Variants in LACC1 observed in about 807,000 individuals in gnomAD.
LACC1 encodes the protein purine nucleoside phosphorylase LACC1.
LACC1 carries 25 observed loss-of-function variants against 34.8 expected under a neutral mutation model. The observed-to-expected ratio is 0.72, with a 90% confidence interval of 0.52 to 1.00. The LOEUF (loss-of-function observed/expected upper bound fraction) is 1.00, where lower values mean the gene tolerates loss of function less well. LACC1 is among the 50% of genes least tolerant of loss of function. LACC1 has a pLI of 0.00. For missense variants in LACC1, 426 were observed against 511.2 expected, an observed-to-expected ratio of 0.83 and a Z score of 1.61; for synonymous variants, 162 against 168.0, an observed-to-expected ratio of 0.96 and a Z score of 0.28.
At chr13:43,888,717 G>A (rs1955441482) in intron 4 of LACC1, 40 bp from the exon 5 acceptor site, 1 of 1,523,262 alleles carries the variant, frequency 6.6e-7, no homozygotes, top group East Asian at 2.3e-5. Context: ...AATTTTTTAT[G>A]TTTTGACTTC....
At chr13:43,881,601 C>A in intron 2 of LACC1, 54 bp downstream of exon 2, 1 of 1,318,706 alleles carries the variant, frequency 7.6e-7, no homozygotes, top group Non-Finnish European at 1.0e-6. Context: ...ACTAGTCTTT[C>A]TTCAGAGGTA....
chr13:43,881,322 A>C lies in LACC1; in HGVS notation c.337A>C (p.Thr113Pro). Reference protein sequence around the residue: ...IKVIVPRHRKTLMKAFIDQLF... With the variant: ...IKVIVPRHRKPLMKAFIDQLF... ...GGTAATTGTACCCAGGCACAGGAAG[A>C]CATTAATGAAAGCTTTTATTGATCA... is the stretch of plus-strand genomic sequence containing the variant. Residue 113 changes from threonine to proline, a missense_variant, in exon 2 of 7, where the codon ACA becomes CCA. Physicochemically the swap from Thr to Pro is conservative, Grantham distance 38. Transcript: ENST00000325686. 6.2e-7 allele frequency: 1 copy of C among 1,613,916 alleles called. No individual in the cohort carries two copies. Among genetic ancestry groups the C allele is most frequent in the Non-Finnish European group, 8.5e-7 (1 of 1,179,886 alleles).
Position 43,890,013 on chromosome 13 carries a change from T to C in LACC1, c.1134-101T>C, listed in dbSNP as rs547150619. ...ATATACATTGTTCTAGGTACATCTT[T>C]CCTGGAACTTTTTCATGCCAACATC... On this transcript the variant is annotated intron_variant, in intron 5 of 6. Coordinates refer to ENST00000325686, the MANE Select transcript of LACC1 (RefSeq NM_153218.4). 250 of 974,076 alleles carry C rather than the reference T, an allele frequency of 2.6e-4. 1 individual carries two copies. Among genetic ancestry groups the C allele is most frequent in the Non-Finnish European group, 2.0e-4 (133 of 658,996 alleles). 60.3% of individuals were successfully genotyped at this position (974,076 alleles called of 1,614,324 possible).
Position 43,882,564 on chromosome 13 carries a change from G to GATATATGTATATAT in LACC1, c.741+207_741+208insGTATATATATATAT, listed in dbSNP as rs1555395027. ...TTATACACACACACACACACGTGCA[G>GATATATGTATATAT]ATATATATATATATATATATATGCA... On this transcript the variant is annotated intron_variant, in intron 3 of 6. Transcript: ENST00000325686. Among the ~76,000 whole-genome samples, 3 of 139,142 alleles carry GATATATGTATATAT rather than the reference G, an allele frequency of 2.2e-5. No individual in the cohort carries two copies. The East Asian group carries it at 6.6e-4, about 30-fold the overall frequency. 91.3% of individuals were successfully genotyped at this position (139,142 alleles called of 152,430 possible).
rs1594879042 is a variant in LACC1 at position 43,879,941 on chromosome 13, A to G, written c.-213A>G. 6.6e-6 allele frequency: 1 copy of G among 152,524 alleles called. No homozygotes were observed. The highest frequency in any genetic ancestry group is 1.5e-5 in the Non-Finnish European group (1 of 68,322). The allele number at this position is 152,524 out of a possible 1,614,324, so 9.4% of individuals were successfully genotyped here. A position where few individuals can be genotyped will look rare whatever the true frequency, so the allele number is the denominator to read the frequency against. ...GCTCAGGACGAGGGACGGGGCGGCA[A>G]ATTGTCACAGAGGTCGCCGTAGACC... On this transcript the variant is annotated 5_prime_UTR_variant, in exon 1 of 7. Transcript: ENST00000325686.
intron 1 of LACC1, among the ~76,000 whole-genome samples, chr13:43,880,591 A>T (rs910791514): frequency 6.6e-6 from 1 of 152,218 alleles, no homozygotes; most frequent in African/African-American, 2.4e-5. Flanking sequence ...TATGACAATC[A>T]TGTCAGGACT....
At chr13:43,886,144 C>CA (rs1253282148) in intron 4 of LACC1, among the ~76,000 whole-genome samples, 6 of 152,184 alleles carry the variant, frequency 3.9e-5, no homozygotes, top group Non-Finnish European at 8.8e-5. Flanking sequence ...GAAATGCTTA[C>CA]ACACTGCTAG....
chr13:43,885,731 A>C (rs1345900247), intron 4 of LACC1, among the ~76,000 whole-genome samples: 1 of 152,184 alleles, frequency 6.6e-6, no homozygotes, highest in African/African-American at 2.4e-5. Context: ...AGACTTCAAG[A>C]GCAAACAAAA....
At chr13:43,888,525 G>A (rs1955434719) in intron 4 of LACC1, among the ~76,000 whole-genome samples, 1 of 152,070 alleles carries the variant, frequency 6.6e-6, no homozygotes, top group African/African-American at 2.4e-5. Flanking sequence ...GAAACTAAAA[G>A]TATAGAGCAT....
In LACC1 at chr13:43,892,877, A is replaced by T. The variant is rs1053817150; in HGVS notation, c.*1430A>T. 17 of 152,240 alleles carry T rather than the reference A, an allele frequency of 1.1e-4. No individual in the cohort carries two copies. Among genetic ancestry groups the T allele is most frequent in the African/African-American group, 3.6e-4 (15 of 41,458 alleles). 9.4% of individuals were successfully genotyped at this position (152,240 alleles called of 1,614,324 possible). ...TTTAAAAGAAATCAATGGATTAAAC[A>T]TATTGAAACTGTTCTATAGGCAGTG... is the stretch of plus-strand genomic sequence containing the variant. On this transcript the variant is annotated 3_prime_UTR_variant, in exon 7 of 7. Transcript: ENST00000325686.
intron 4 of LACC1, among the ~76,000 whole-genome samples, chr13:43,887,545 G>A (rs1955385465): frequency 6.6e-6 from 1 of 152,134 alleles, no homozygotes; most frequent in Admixed American, 6.6e-5. Context: ...GACAAAGATG[G>A]CAAGGGAACG....
In LACC1 at chr13:43,881,146, G is replaced by C; in HGVS notation, c.161G>C (p.Arg54Thr). Residue 54 changes from arginine (R) to threonine (T), a missense_variant, in exon 2 of 7, where the codon AGG becomes ACG. Physicochemically the swap from Arg to Thr is moderately conservative, Grantham distance 71. This residue lies in a region of LACC1 where 217 missense variants were observed against 210.9 expected (regional missense o/e 1.03). Coordinates refer to ENST00000325686, the MANE Select transcript of LACC1 (RefSeq NM_153218.4). ...TGTTGCAGTAACATCAGCTATGAAA[G>C]GGATGGAGAACAAGATAATTGTGAA... ...IMCCSNISYE[R>T]DGEQDNCEIE... 6.2e-7 allele frequency: 1 copy of C among 1,614,146 alleles called. No homozygotes were observed. Among genetic ancestry groups the C allele is most frequent in the Non-Finnish European group, 8.5e-7 (1 of 1,180,024 alleles).
At chr13:43,888,296 A>G (rs1176605885) in intron 4 of LACC1, among the ~76,000 whole-genome samples, 2 of 152,298 alleles carry the variant, frequency 1.3e-5, no homozygotes, top group East Asian at 3.9e-4. Context: ...GGCTGGTAAA[A>G]GGAAGAAACA....
chr13:43,881,545 C>T lies in LACC1; in HGVS notation c.560C>T (p.Pro187Leu). 6.3e-7 allele frequency: 1 copy of T among 1,587,700 alleles called. No homozygotes were observed. Among genetic ancestry groups the T allele is most frequent in the Non-Finnish European group, 8.6e-7 (1 of 1,168,468 alleles). The part of the protein sequence containing the change: ...KLTIITSSLI[P>L]DIFIHGFTTR... ...ACTATTATCACTTCTTCTTTGATCC[C>T]AGGTATATTAACCACTAACTGTTGT... Residue 187 changes from proline to leucine, a missense_variant and splice_region_variant, in exon 2 of 7, where the codon CCA (proline) becomes CTA (leucine). By Grantham distance (98) the Pro-to-Leu change is moderately conservative. Transcript: ENST00000325686.
chr13:43,887,248 G>T (rs1955374864), intron 4 of LACC1, among the ~76,000 whole-genome samples: 1 of 152,084 alleles, frequency 6.6e-6, no homozygotes. Context: ...TACCTGTAGA[G>T]GCTGAACCTG....
chr13:43,888,794 A>G lies in LACC1; in HGVS notation c.945A>G (p.Thr315=). 1 of 1,613,922 alleles carries G rather than the reference A, an allele frequency of 6.2e-7. No homozygotes were observed. The highest frequency in any genetic ancestry group is 2.2e-5 in the East Asian group (1 of 44,854). Residue 315 remains threonine (T), a synonymous_variant, in exon 5 of 7, where the codon ACA becomes ACG. Coordinates refer to ENST00000325686, the MANE Select transcript of LACC1 (RefSeq NM_153218.4). ...KGTLLGVAMA[T]VNAMIAEYGC... ...CTTTGTTGGGTGTTGCTATGGCTAC[A>G]GTGAATGCTATGATAGCAGAATATG...
Position 43,890,018 on chromosome 13 carries a change from G to C in LACC1, c.1134-96G>C, listed in dbSNP as rs1208415744. ...CATTGTTCTAGGTACATCTTTCCTG[G>C]AACTTTTTCATGCCAACATCCATAC... On this transcript the variant is annotated intron_variant, in intron 5 of 6. Transcript: ENST00000325686. 5 of 1,050,672 alleles carry C rather than the reference G, an allele frequency of 4.8e-6. No homozygotes were observed. In the Admixed American group the frequency reaches 1.2e-4, roughly 25 times the overall value. The allele number at this position is 1,050,672 out of a possible 1,614,324, so 65.1% of individuals were successfully genotyped here.
At chr13:43,886,743 G>A (rs1265774829) in intron 4 of LACC1, among the ~76,000 whole-genome samples, 1 of 151,984 alleles carries the variant, frequency 6.6e-6, no homozygotes, top group Non-Finnish European at 1.5e-5. Flanking sequence ...TATGTACCCC[G>A]AACCTAAAAA....
chr13:43,883,676 A>G, intron 3 of LACC1, 95 bp from the exon 4 acceptor site: 2 of 859,588 alleles, frequency 2.3e-6, no homozygotes, highest in Admixed American at 3.1e-5. Flanking sequence ...TAAACTGGTT[A>G]TATAATTTTA....
Sources: allele counts gnomAD v4.1 joint callset (sites outside exome capture counted in the v4.1 genomes callset), GRCh38; gene constraint gnomAD v4.1.1; regional missense constraint gnomAD v4.1.1; transcripts MANE v1.5; gene names NCBI Gene and HGNC (gene_info 2026-07-23, HGNC 2026-07-21).